The following AUTS2 variants were observed in gnomAD, a reference collection of about 807,000 sequenced individuals.
AUTS2 encodes the protein activator of transcription and developmental regulator AUTS2.
Under a neutral mutation model 112.4 loss-of-function variants are expected in AUTS2, and 17 were observed. The observed-to-expected ratio is 0.15, with a 90% confidence interval of 0.10 to 0.23. The LOEUF is 0.23. AUTS2 is among the 10% of genes least tolerant of loss of function. The pLI is 1.00. For missense variants in AUTS2, 1,510 were observed against 1,701.6 expected (o/e 0.89, Z 1.98); for synonymous variants, 751 against 702.7 (o/e 1.07, Z -1.09).
chr7:70,646,135 C>T (rs1806147688), intron 5 of AUTS2, among the ~76,000 whole-genome samples: 3 of 152,202 alleles, frequency 2.0e-5, no homozygotes, highest in Admixed American at 2.0e-4. Flanking sequence ...GACAGACCTA[C>T]AAACCTGACT....
chr7:70,432,753 C>G (rs1408664742), intron 4 of AUTS2, among the ~76,000 whole-genome samples: 1 of 152,212 alleles, frequency 6.6e-6, no homozygotes, highest in Non-Finnish European at 1.5e-5. Context: ...CATCATTCGT[C>G]TCTGCCAGGG....
chr7:69,990,062 A>G (rs998223968), intron 2 of AUTS2, among the ~76,000 whole-genome samples: 1 of 152,206 alleles, frequency 6.6e-6, no homozygotes, highest in African/African-American at 2.4e-5. Flanking sequence ...GACCGCTGAC[A>G]TACAAGAAGA....
chr7:70,180,169 G>T (rs1809220625), intron 4 of AUTS2, among the ~76,000 whole-genome samples: 1 of 152,084 alleles, frequency 6.6e-6, no homozygotes, highest in Admixed American at 6.5e-5. Flanking sequence ...ATAAACTTCA[G>T]ATTTTAAAAA....
At chr7:70,565,783 T>G (rs534199508) in intron 5 of AUTS2, among the ~76,000 whole-genome samples, 1 of 152,350 alleles carries the variant, frequency 6.6e-6, no homozygotes, top group African/African-American at 2.4e-5. Context: ...ATATTAATAA[T>G]TGTATGAGAA....
At chr7:69,690,762 G>A (rs1171663354) in intron 1 of AUTS2, among the ~76,000 whole-genome samples, 1 of 152,170 alleles carries the variant, frequency 6.6e-6, no homozygotes, top group Non-Finnish European at 1.5e-5. Context: ...TCTCTTTCTC[G>A]TCACCTGCAA....
At chr7:69,754,989 G>A (rs1197626944) in intron 1 of AUTS2, among the ~76,000 whole-genome samples, 1 of 152,168 alleles carries the variant, frequency 6.6e-6, no homozygotes, top group African/African-American at 2.4e-5. Context: ...AACTTTGTAA[G>A]GACTAGTCTG....
intron 4 of AUTS2, among the ~76,000 whole-genome samples, chr7:70,307,739 A>G (rs1789551295): frequency 1.3e-5 from 2 of 152,346 alleles, no homozygotes; most frequent in South Asian, 4.1e-4. Flanking sequence ...GCCTTGCAGT[A>G]ATCAAGACTT....
chr7:69,744,932 A>G (rs1157186023), intron 1 of AUTS2, among the ~76,000 whole-genome samples: 1 of 152,206 alleles, frequency 6.6e-6, no homozygotes, highest in Non-Finnish European at 1.5e-5. Flanking sequence ...TTTTGCTGTT[A>G]TCCTGTTGTG....
At chr7:70,204,045 A>G (rs1810446401) in intron 4 of AUTS2, among the ~76,000 whole-genome samples, 1 of 151,510 alleles carries the variant, frequency 6.6e-6, no homozygotes, top group Admixed American at 6.6e-5. Context: ...ACACATATAC[A>G]CAACATTTTA....
chr7:69,790,428 G>C (rs934381499), intron 1 of AUTS2, among the ~76,000 whole-genome samples: 33 of 152,278 alleles, frequency 2.2e-4, no homozygotes, highest in African/African-American at 7.9e-4. Context: ...GGAGGAGAGG[G>C]AGAAAAGGGT....
At chr7:70,781,563 T>C in intron 14 of AUTS2, 52 bp from the exon 15 acceptor site, 1 of 1,603,474 alleles carries the variant, frequency 6.2e-7, no homozygotes, top group Non-Finnish European at 8.5e-7. Flanking sequence ...CACTAACACC[T>C]TTATTCCTTG....
chr7:70,632,440 G>T (rs1805310876), intron 5 of AUTS2, among the ~76,000 whole-genome samples: 1 of 151,862 alleles, frequency 6.6e-6, no homozygotes, highest in South Asian at 2.1e-4. Context: ...ATGGAGGGTG[G>T]ACCCTGTGGC....
At chr7:70,155,954 C>A (rs1220456037) in intron 4 of AUTS2, among the ~76,000 whole-genome samples, 3 of 152,194 alleles carry the variant, frequency 2.0e-5, no homozygotes, top group Non-Finnish European at 4.4e-5. Flanking sequence ...GAAAGGACAT[C>A]TGAAGGATCC....
chr7:69,808,257 A>C (rs1311403584), intron 1 of AUTS2, among the ~76,000 whole-genome samples: 2 of 152,132 alleles, frequency 1.3e-5, no homozygotes, highest in African/African-American at 4.8e-5. Context: ...AGGAGCATTA[A>C]ATTGTGGACG....
At chr7:70,184,684 C>A (rs1382275209) in intron 4 of AUTS2, among the ~76,000 whole-genome samples, 3 of 151,786 alleles carry the variant, frequency 2.0e-5, no homozygotes, top group Non-Finnish European at 2.9e-5. Flanking sequence ...TTTTTTGGGT[C>A]CAAAGGATGT....
At chr7:69,926,266 A>G (rs370522607) in intron 2 of AUTS2, among the ~76,000 whole-genome samples, 10 of 152,110 alleles carry the variant, frequency 6.6e-5, no homozygotes, top group African/African-American at 2.4e-4. Context: ...GTCTCTGGCT[A>G]TAATTGTGGT....
chr7:70,222,224 G>A (rs185200098), intron 4 of AUTS2, among the ~76,000 whole-genome samples: 2 of 152,288 alleles, frequency 1.3e-5, no homozygotes, highest in East Asian at 3.9e-4. Context: ...AACTAAGACA[G>A]CGAATAAAAT....
At chr7:70,277,402 A>G (rs1292982372) in intron 4 of AUTS2, among the ~76,000 whole-genome samples, 1 of 152,240 alleles carries the variant, frequency 6.6e-6, no homozygotes, top group Non-Finnish European at 1.5e-5. Flanking sequence ...ATACTGTCAC[A>G]GAGACTTTAA....
intron 1 of AUTS2, among the ~76,000 whole-genome samples, chr7:69,715,997 C>G (rs533348417): frequency 6.6e-6 from 1 of 152,298 alleles, no homozygotes; most frequent in Admixed American, 6.5e-5. Flanking sequence ...AACCACTACA[C>G]TGTCTGGCTG....
Sources: gnomAD v4.1 joint callset for allele counts (sites outside exome capture counted in the v4.1 genomes callset) on GRCh38, gnomAD v4.1.1 for gene constraint, MANE v1.5 for transcripts, NCBI Gene and HGNC (gene_info 2026-07-23, HGNC 2026-07-21) for gene names.